POU2AF2: variants seen among roughly 807,000 people sequenced by gnomAD.
The protein encoded by POU2AF2 is POU domain class 2-associating factor 2.
chr11:111,257,303 A>T, the POU2AF2 span, among the ~76,000 whole-genome samples: 1 of 152,114 alleles, frequency 6.6e-6, no homozygotes, highest in Non-Finnish European at 1.5e-5. Flanking sequence ...ACATATTTCA[A>T]ATGAACGTTC....
the POU2AF2 span, among the ~76,000 whole-genome samples, chr11:111,247,509 C>T: frequency 7.2e-5 from 11 of 152,026 alleles, no homozygotes; most frequent in African/African-American, 1.7e-4. Flanking sequence ...ATAAATAGGC[C>T]GAGCGTGGTG....
chr11:111,272,753 T>C, the POU2AF2 span, among the ~76,000 whole-genome samples: 1 of 152,256 alleles, frequency 6.6e-6, no homozygotes, highest in Non-Finnish European at 1.5e-5. Context: ...ACAATCCTGG[T>C]GCAGAGTAGG....
the POU2AF2 span, among the ~76,000 whole-genome samples, chr11:111,252,097 C>T: frequency 6.6e-6 from 1 of 152,206 alleles, no homozygotes; most frequent in African/African-American, 2.4e-5. Context: ...TAGAGACAGT[C>T]TGCAAATATA....
At chr11:111,276,453 A>AATATATATATATAT in the POU2AF2 span, among the ~76,000 whole-genome samples, 152 of 37,292 alleles carry the variant, frequency 4.1e-3, no homozygotes, top group East Asian at 0.015. Flanking sequence ...AAAAAAAAAA[A>AATATATATATATAT]ATATATATAT....
chr11:111,275,106 G>A, the POU2AF2 span, among the ~76,000 whole-genome samples: 7 of 152,190 alleles, frequency 4.6e-5, no homozygotes, highest in African/African-American at 1.7e-4. Flanking sequence ...ATGTCTGCTG[G>A]AAAATGTTGG....
the POU2AF2 span, among the ~76,000 whole-genome samples, chr11:111,276,439 G>GAAAAAAAAAAAAAAAAAAA: frequency 1.6e-4 from 7 of 44,426 alleles, 1 homozygote; most frequent in African/African-American, 6.5e-4. Flanking sequence ...CTACTAAAAA[G>GAAAAAAAAAAAAAAAAAAA]AAAAAAAAAA....
the POU2AF2 span, among the ~76,000 whole-genome samples, chr11:111,257,381 A>G: frequency 6.9e-6 from 1 of 144,238 alleles, no homozygotes; most frequent in Non-Finnish European, 1.5e-5. Context: ...TTTTTTTGAG[A>G]TGGAGTCTCG....
At chr11:111,278,556 G>GTC in the POU2AF2 span, among the ~76,000 whole-genome samples, 10,282 of 148,318 alleles carry the variant, frequency 0.069, 354 homozygotes, top group Middle Eastern at 0.11. Context: ...CTCTCTCTCT[G>GTC]TCTCTCTCTC....
the POU2AF2 span, among the ~76,000 whole-genome samples, chr11:111,250,286 CT>C: frequency 6.6e-6 from 1 of 152,152 alleles, no homozygotes; most frequent in African/African-American, 2.4e-5. Context: ...TTCCCATCCT[CT>C]CAGTTTCCTC....
the POU2AF2 span, among the ~76,000 whole-genome samples, chr11:111,266,323 TAGATTTTCCC>T: frequency 2.6e-5 from 4 of 152,090 alleles, no homozygotes; most frequent in South Asian, 2.1e-4. Flanking sequence ...CCTGACTCAG[TAGATTTTCCC>T]AGACCTCAGA....
chr11:111,282,278 T>C, the POU2AF2 span, among the ~76,000 whole-genome samples: 1 of 152,222 alleles, frequency 6.6e-6, no homozygotes, highest in African/African-American at 2.4e-5. Flanking sequence ...TTCTCAACCT[T>C]AACCGCTCTC....
At chr11:111,278,544 ATCTCTCTCTCTGTCTCTC>A in the POU2AF2 span, among the ~76,000 whole-genome samples, 1 of 139,092 alleles carries the variant, frequency 7.2e-6, no homozygotes, top group Non-Finnish European at 1.5e-5. Context: ...CAGAGAGATG[ATCTCTCTCTCTGTCTCTC>A]TCTCTCTCTC....
the POU2AF2 span, among the ~76,000 whole-genome samples, chr11:111,258,257 A>G: frequency 6.6e-6 from 1 of 152,216 alleles, no homozygotes; most frequent in African/African-American, 2.4e-5. Context: ...GACCACAGTA[A>G]CTGCAACTAA....
chr11:111,277,499 G>A, the POU2AF2 span, among the ~76,000 whole-genome samples: 11,849 of 152,316 alleles, frequency 0.078, 631 homozygotes, highest in Middle Eastern at 0.18. Context: ...AAGGTGAAGG[G>A]GCTGTGTCAG....
At chr11:111,264,679 G>A in the POU2AF2 span, among the ~76,000 whole-genome samples, 1 of 143,914 alleles carries the variant, frequency 6.9e-6, no homozygotes, top group African/African-American at 2.6e-5. Flanking sequence ...GAGGAAGGAA[G>A]GAGAGAGAAA....
At chr11:111,247,693 A>G in the POU2AF2 span, among the ~76,000 whole-genome samples, 1 of 151,458 alleles carries the variant, frequency 6.6e-6, no homozygotes, top group African/African-American at 2.4e-5. Context: ...AGGCTGAGGC[A>G]GGAGAATCAC....
chr11:111,281,152 C>T, the POU2AF2 span, among the ~76,000 whole-genome samples: 3 of 152,180 alleles, frequency 2.0e-5, no homozygotes, highest in Non-Finnish European at 4.4e-5. Context: ...TAAATTACTA[C>T]ATTTCATCCA....
the POU2AF2 span, among the ~76,000 whole-genome samples, chr11:111,257,972 G>T: frequency 2.2e-3 from 329 of 152,120 alleles, 1 homozygote; most frequent in African/African-American, 7.1e-3. Flanking sequence ...ACAGAAATTA[G>T]CCCGGTGTAG....
the POU2AF2 span, among the ~76,000 whole-genome samples, chr11:111,263,405 A>C: frequency 6.6e-6 from 1 of 150,834 alleles, no homozygotes; most frequent in African/African-American, 2.4e-5. Flanking sequence ...GGGAACCTAC[A>C]ACACTCAGGT....
Sources: gnomAD v4.1 joint callset for allele counts (sites outside exome capture counted in the v4.1 genomes callset) on GRCh38, gnomAD v4.1.1 for gene constraint, MANE v1.5 for transcripts, NCBI Gene and HGNC (gene_info 2026-07-23, HGNC 2026-07-21) for gene names.